Variants in PHF14 observed in about 807,000 individuals in gnomAD.
The protein encoded by PHF14 is PHD finger protein 14.
In PHF14, 55 loss-of-function variants were observed where a neutral mutation model predicts 117.9. That is an observed-to-expected ratio of 0.47 (90% confidence interval 0.38 to 0.58). PHF14 has a LOEUF of 0.58. Ranked by LOEUF, PHF14 falls within the 20% of genes least tolerant of loss-of-function variation. The pLI is 0.00. For synonymous variants in PHF14, 409 were observed against 368.6 expected (o/e 1.11, Z -1.26); for missense variants, 978 against 1,122.2 (o/e 0.87, Z 1.84).
At chr7:11,060,281 A>T (rs953183510) in intron 14 of PHF14, among the ~76,000 whole-genome samples, 2 of 152,178 alleles carry the variant, frequency 1.3e-5, no homozygotes, top group Non-Finnish European at 1.5e-5. Flanking sequence ...TTGAGTCTTT[A>T]TGTCATAAGC....
At chr7:11,096,055 A>T (rs1016035666) in intron 16 of PHF14, among the ~76,000 whole-genome samples, 1 of 152,132 alleles carries the variant, frequency 6.6e-6, no homozygotes, top group African/African-American at 2.4e-5. Flanking sequence ...TCAGAATGCT[A>T]ACTTTTAAAG....
intron 17 of PHF14, among the ~76,000 whole-genome samples, chr7:11,167,112 G>A (rs1404659573): frequency 6.6e-6 from 1 of 152,014 alleles, no homozygotes; most frequent in Non-Finnish European, 1.5e-5. Context: ...GTACCTCCTA[G>A]TCCTTGGGGT....
chr7:10,984,123 A>G (rs1040054801), intron 3 of PHF14, among the ~76,000 whole-genome samples: 1 of 152,200 alleles, frequency 6.6e-6, no homozygotes, highest in African/African-American at 2.4e-5. Context: ...TCACTGAAGT[A>G]AGTTAAACGG....
chr7:11,091,139 G>A (rs987473465), intron 16 of PHF14, among the ~76,000 whole-genome samples: 4 of 152,196 alleles, frequency 2.6e-5, no homozygotes, highest in Non-Finnish European at 5.9e-5. Flanking sequence ...GCTGGAGGAA[G>A]ACCAGTTTGA....
chr7:11,063,090 G>A (rs186625741), intron 16 of PHF14: 130 of 906,368 alleles, frequency 1.4e-4, no homozygotes, highest in African/African-American at 1.0e-3. Flanking sequence ...ATTTCTCAAA[G>A]AAAGGCATGA....
At chr7:11,117,035 G>A (rs1787618664) in intron 17 of PHF14, among the ~76,000 whole-genome samples, 1 of 151,896 alleles carries the variant, frequency 6.6e-6, no homozygotes, top group Admixed American at 6.6e-5. Context: ...TGTATCTGCT[G>A]AAACACTTAA....
At chr7:11,084,252 A>G (rs1434325291) in intron 16 of PHF14, among the ~76,000 whole-genome samples, 1 of 152,052 alleles carries the variant, frequency 6.6e-6, no homozygotes, top group Admixed American at 6.5e-5. Context: ...TTCAGCATAC[A>G]CAGATAGCCA....
chr7:11,039,235 AT>A lies in PHF14; in HGVS notation c.2076+389del, dbSNP rs375369454. ...TTTTTCTTTCCTGTCCTTATGCTGT[AT>A]TTTTTTTTCTATTCTTTGGATGTAT... is the stretch of plus-strand genomic sequence containing the variant. On this transcript the variant is annotated intron_variant, in intron 11 of 17. Transcript: ENST00000634607. Among the ~76,000 whole-genome samples the A allele has an allele frequency of 3.4e-4, 51 of 150,438 alleles. 1 individual carries two copies. Among genetic ancestry groups the A allele is most frequent in the African/African-American group, 1.1e-3 (44 of 40,930 alleles).
At chr7:11,147,810 T>C (rs1251014471) in intron 17 of PHF14, among the ~76,000 whole-genome samples, 1 of 152,174 alleles carries the variant, frequency 6.6e-6, no homozygotes. Flanking sequence ...TTTAAATGTG[T>C]AATACCATCC....
chr7:11,058,409 A>G (rs757219041), intron 14 of PHF14, among the ~76,000 whole-genome samples: 4 of 152,166 alleles, frequency 2.6e-5, no homozygotes, highest in Non-Finnish European at 4.4e-5. Flanking sequence ...TAGAAAAAAA[A>G]AATCCCATAG....
rs78127547 is a variant in PHF14 at position 10,997,004 on chromosome 7, G to C, written c.1045+6157G>C. Among the ~76,000 whole-genome samples the C allele has an allele frequency of 5.9e-3, 898 of 152,280 alleles. 8 individuals are homozygous for C. Among genetic ancestry groups the C allele is most frequent in the African/African-American group, 0.021 (855 of 41,544 alleles). The stretch of plus-strand genomic sequence containing the variant: ...GCCAAATTAAGGCCTCAGGAATATT[G>C]AGTTCTAAGTGTCGCATATATGTTT... On this transcript the variant is annotated intron_variant, in intron 4 of 17. Transcript: ENST00000634607.
chr7:11,076,729 G>A (rs1406505820), intron 16 of PHF14, among the ~76,000 whole-genome samples: 1 of 151,458 alleles, frequency 6.6e-6, no homozygotes, highest in Admixed American at 6.6e-5. Flanking sequence ...CACCACACCC[G>A]ACTAATTTTT....
chr7:11,049,285 C>T (rs1166765360), intron 13 of PHF14, among the ~76,000 whole-genome samples: 2 of 151,852 alleles, frequency 1.3e-5, no homozygotes, highest in African/African-American at 2.4e-5. Context: ...CCAGCTTGGC[C>T]AACATATAGT....
Position 11,006,035 on chromosome 7 carries a change from GCCCACCT to G in PHF14, c.1046-7710_1046-7704del, listed in dbSNP as rs1783076394. 3.3e-5 allele frequency among the ~76,000 whole-genome samples: 5 copies of G among 151,928 alleles called. No individual in the cohort carries two copies. In the South Asian group the frequency reaches 1.0e-3, roughly 32 times the overall value. ...TCTCGATCTCCAGACCTCATGATCT[GCCCACCT>G]CGGCCTCCCAAAGTGCTGGGATTAC... On this transcript the variant is annotated intron_variant, in intron 4 of 17. Transcript: ENST00000634607.
chr7:10,990,765 T>G lies in PHF14; in HGVS notation c.963T>G (p.Ile321Met). The change falls in exon 4 of 18, where the codon ATT (isoleucine) becomes ATG (methionine). Residue 321 changes from isoleucine to methionine, a missense_variant. By Grantham distance (10) the Ile-to-Met change is conservative (BLOSUM62 1). This residue lies in a region of PHF14 where 414 missense variants were observed against 376.4 expected (regional missense o/e 1.10). Transcript: ENST00000634607. The stretch of plus-strand genomic sequence containing the variant: ...CTCAAAAAATGGACCATATTCTGAT[T>G]TGCTGTGTTTGTCTGGGAGATAATA... ...WSSQKMDHIL[I>M]CCVCLGDNSE... 1 of 1,579,268 alleles carries G rather than the reference T, an allele frequency of 6.3e-7. No homozygotes were observed. Among genetic ancestry groups the G allele is most frequent in the Non-Finnish European group, 8.6e-7 (1 of 1,159,532 alleles).
chr7:11,133,120 C>G (rs1372738927), intron 17 of PHF14, among the ~76,000 whole-genome samples: 4 of 151,856 alleles, frequency 2.6e-5, no homozygotes, highest in African/African-American at 4.8e-5. Context: ...TTCAAGATGT[C>G]AGTTCTTTTC....
chr7:11,082,164 C>G (rs927023158), intron 16 of PHF14, among the ~76,000 whole-genome samples: 1 of 151,770 alleles, frequency 6.6e-6, no homozygotes, highest in Admixed American at 6.6e-5. Context: ...GGCAATGTAT[C>G]GAGACCTTGT....
At chr7:11,039,802 G>T (rs1166594582) in intron 11 of PHF14, among the ~76,000 whole-genome samples, 1 of 152,136 alleles carries the variant, frequency 6.6e-6, no homozygotes, top group East Asian at 1.9e-4. Context: ...TAAAAGGTGA[G>T]AATTAGTAGT....
intron 16 of PHF14, among the ~76,000 whole-genome samples, chr7:11,090,609 T>C (rs1786606033): frequency 1.3e-5 from 2 of 152,222 alleles, no homozygotes; most frequent in Admixed American, 1.3e-4. Flanking sequence ...TTTGACTTTT[T>C]CCAAAGCTTG....
Sources: allele counts gnomAD v4.1 joint callset (sites outside exome capture counted in the v4.1 genomes callset), GRCh38; gene constraint gnomAD v4.1.1; regional missense constraint gnomAD v4.1.1; transcripts MANE v1.5; gene names NCBI Gene and HGNC (gene_info 2026-07-23, HGNC 2026-07-21).